MFAP3L: variants seen among roughly 807,000 people sequenced by gnomAD.
MFAP3L encodes the protein microfibril associated protein 3 like, also known as microfibrillar-associated protein 3-like.
A neutral mutation model predicts 20.0 loss-of-function variants in MFAP3L; 5 were observed. That is an observed-to-expected ratio of 0.25 (90% confidence interval 0.13 to 0.53). The LOEUF is 0.53. Among genes scored for constraint, MFAP3L ranks in the 20% least tolerant of loss-of-function variants. The pLI is 0.96. For missense variants in MFAP3L, 409 were observed against 527.5 expected (o/e 0.78, Z 2.20); for synonymous variants, 219 against 213.0 (o/e 1.03, Z -0.25).
intron 1 of MFAP3L, among the ~76,000 whole-genome samples, chr4:170,017,140 G>A (rs1739749328): frequency 6.6e-6 from 1 of 152,128 alleles, no homozygotes; most frequent in South Asian, 2.1e-4. Flanking sequence ...TTGAAAAGAT[G>A]CACTCAATAA....
Position 169,989,105 on chromosome 4 carries a change from G to A in MFAP3L, c.*2273C>T, listed in dbSNP as rs1047578664. 1 of 152,074 alleles carries A rather than the reference G, an allele frequency of 6.6e-6. No homozygotes were observed. The highest frequency in any genetic ancestry group is 6.6e-5 in the Admixed American group (1 of 15,252). The allele number at this position is 152,074 out of a possible 1,614,324, so 9.4% of individuals were successfully genotyped here. ...TATAAACCCATGGTAATGAATCTGT[G>A]GACCTCCATGACAACTGGAAAATTT... On this transcript the variant is annotated 3_prime_UTR_variant, in exon 3 of 3. Coordinates refer to ENST00000361618, the MANE Select transcript of MFAP3L (RefSeq NM_021647.8).
At chr4:169,999,121 G>A (rs574631970) in intron 2 of MFAP3L, among the ~76,000 whole-genome samples, 1 of 152,304 alleles carries the variant, frequency 6.6e-6, no homozygotes, top group East Asian at 1.9e-4. Context: ...GCTCCTTGAA[G>A]CCACTGCAGC....
intron 2 of MFAP3L, among the ~76,000 whole-genome samples, chr4:170,004,635 T>C (rs1738911232): frequency 6.6e-6 from 1 of 152,232 alleles, no homozygotes; most frequent in Non-Finnish European, 1.5e-5. Context: ...TATTCTTTTT[T>C]CAGGGCAATT....
intron 2 of MFAP3L, among the ~76,000 whole-genome samples, chr4:169,998,340 A>G (rs2110954277): frequency 6.6e-6 from 1 of 152,380 alleles, no homozygotes; most frequent in South Asian, 2.1e-4. Context: ...GTGTGAAACC[A>G]ACAGATGACA....
intron 2 of MFAP3L, among the ~76,000 whole-genome samples, chr4:169,996,729 C>T (rs1738198107): frequency 6.6e-6 from 1 of 152,138 alleles, no homozygotes; most frequent in Non-Finnish European, 1.5e-5. Flanking sequence ...TACAGGAGGA[C>T]CCCCAAATAT....
At chr4:170,005,376 T>A in intron 2 of MFAP3L, 1 of 628,484 alleles carries the variant, frequency 1.6e-6, no homozygotes, top group South Asian at 2.2e-5. Context: ...GTGTTTGTCC[T>A]TTGTCTTCTG....
chr4:170,023,598 T>C (rs114495485), intron 1 of MFAP3L, among the ~76,000 whole-genome samples: 1,953 of 152,256 alleles, frequency 0.013, 41 homozygotes, highest in African/African-American at 0.045. Context: ...ATTGAAAACA[T>C]TGTCAAAGTT....
rs549462969 is a variant in MFAP3L at position 169,989,685 on chromosome 4, T to C, written c.*1693A>G. On this transcript the variant is annotated 3_prime_UTR_variant, in exon 3 of 3. Coordinates refer to ENST00000361618, the MANE Select transcript of MFAP3L (RefSeq NM_021647.8). ...AGAGTGAGGACTAAACATCTGGGTC[T>C]GCTCTCATCACCAATGTGATCCATG... 1 of 152,350 alleles carries C rather than the reference T, an allele frequency of 6.6e-6. No homozygotes were observed. The highest frequency in any genetic ancestry group is 2.1e-4 in the South Asian group (1 of 4,828). 9.4% of individuals were successfully genotyped at this position (152,350 alleles called of 1,614,324 possible).
At chr4:170,024,187 G>A (rs1310186935) in intron 1 of MFAP3L, among the ~76,000 whole-genome samples, 2 of 152,116 alleles carry the variant, frequency 1.3e-5, no homozygotes, top group Non-Finnish European at 2.9e-5. Context: ...TTGAGTTTTA[G>A]GTTAGGGAAA....
chr4:170,022,987 A>C (rs959860653), intron 1 of MFAP3L, among the ~76,000 whole-genome samples: 1 of 152,208 alleles, frequency 6.6e-6, no homozygotes, highest in Non-Finnish European at 1.5e-5. Flanking sequence ...ACATCTGCCA[A>C]GTTCCAAAGT....
chr4:170,027,064 C>G (rs1453659811), upstream of MFAP3L: 1 of 151,868 alleles, frequency 6.6e-6, no homozygotes, highest in Non-Finnish European at 1.5e-5. Context: ...TTTTCATTTT[C>G]TTTAAAAATA....
intron 1 of MFAP3L, among the ~76,000 whole-genome samples, chr4:170,022,448 C>T (rs1433786041): frequency 2.0e-5 from 3 of 152,188 alleles, no homozygotes; most frequent in African/African-American, 4.8e-5. Flanking sequence ...GAGCTCATCA[C>T]AGTAAAAGGA....
intron 1 of MFAP3L, among the ~76,000 whole-genome samples, chr4:170,024,337 A>G (rs1215802925): frequency 6.6e-6 from 1 of 152,036 alleles, no homozygotes; most frequent in Non-Finnish European, 1.5e-5. Context: ...TCTGTATTAA[A>G]CCTCACATTC....
chr4:170,003,037 T>G (rs1581483076), intron 2 of MFAP3L, among the ~76,000 whole-genome samples: 1 of 152,138 alleles, frequency 6.6e-6, no homozygotes, highest in African/African-American at 2.4e-5. Context: ...TGAGCAAGAA[T>G]CTCTCGTTTC....
At chr4:170,002,401 C>T (rs563685178) in intron 2 of MFAP3L, among the ~76,000 whole-genome samples, 3 of 152,146 alleles carry the variant, frequency 2.0e-5, no homozygotes, top group Admixed American at 2.0e-4. Context: ...CTTGGTGCAG[C>T]GACTTAGTAA....
intron 1 of MFAP3L, among the ~76,000 whole-genome samples, chr4:170,025,107 A>C (rs1193091007): frequency 6.6e-6 from 1 of 152,232 alleles, no homozygotes; most frequent in Non-Finnish European, 1.5e-5. Flanking sequence ...TAAATGTTTT[A>C]GGAATAAACA....
In MFAP3L at chr4:170,007,710, C is replaced by T. The variant is rs187765392; in HGVS notation, c.-133-1700G>A. Reference sequence around the variant, plus strand: ...ATGACTTTCAGCACTGGGTCCTTTGCAGGGGCTCAAGTCTGAGAATGCATG... The same window carrying T: ...ATGACTTTCAGCACTGGGTCCTTTGTAGGGGCTCAAGTCTGAGAATGCATG... On this transcript the variant is annotated intron_variant, in intron 1 of 2. Transcript: ENST00000361618. 4.0e-4 allele frequency among the ~76,000 whole-genome samples: 61 copies of T among 152,234 alleles called. No individual in the cohort carries two copies. The East Asian group carries it at 0.011, about 27-fold the overall frequency.
chr4:170,020,907 C>T (rs1739996344), intron 1 of MFAP3L, among the ~76,000 whole-genome samples: 1 of 151,922 alleles, frequency 6.6e-6, no homozygotes. Flanking sequence ...CACATTTGAC[C>T]CTTCATTAGA....
At position 169,986,941 on chromosome 4, in the gene MFAP3L, G is replaced by T. The variant is rs1311883167; in HGVS notation, c.*4437C>A. The T allele has an allele frequency of 6.6e-6, 1 of 152,080 alleles. No individual in the cohort carries two copies. Among genetic ancestry groups the T allele is most frequent in the Non-Finnish European group, 1.5e-5 (1 of 67,980 alleles). 9.4% of individuals were successfully genotyped at this position (152,080 alleles called of 1,614,324 possible). ...TATTGGCTAAATAAAAATAATTTAT[G>T]CCAGAATATTCTTAGAACTATTTAC... On this transcript the variant is annotated 3_prime_UTR_variant, in exon 3 of 3. Coordinates refer to ENST00000361618, the MANE Select transcript of MFAP3L (RefSeq NM_021647.8).
Sources: allele counts gnomAD v4.1 joint callset (sites outside exome capture counted in the v4.1 genomes callset), GRCh38; gene constraint gnomAD v4.1.1; transcripts MANE v1.5; gene names NCBI Gene and HGNC (gene_info 2026-07-23, HGNC 2026-07-21).